Variants in GBP5 observed in about 807,000 individuals in gnomAD.
GBP5 encodes the protein guanylate binding protein 5, also known as guanylate-binding protein 5.
In GBP5, 48 loss-of-function variants were observed where a neutral mutation model predicts 58.2. The observed-to-expected ratio is 0.83, with a 90% CI of 0.65 to 1.05. GBP5 has a LOEUF of 1.05. Among genes scored for constraint, GBP5 ranks in the 50% least tolerant of loss-of-function variants. The pLI is 0.00. For synonymous variants in GBP5, 248 were observed against 251.8 expected (o/e 0.98, Z 0.14); for missense variants, 714 against 686.8 (o/e 1.04, Z -0.44).
chr1:89,263,958 G>C lies in GBP5; in HGVS notation c.1150-10C>G. 1 of 1,499,328 alleles carries C rather than the reference G, an allele frequency of 6.7e-7. No homozygotes were observed. Among genetic ancestry groups the C allele is most frequent in the Non-Finnish European group, 9.2e-7 (1 of 1,082,600 alleles). The allele number at this position is 1,499,328 out of a possible 1,614,324, so 92.9% of individuals were successfully genotyped here. On this transcript the variant is annotated splice_polypyrimidine_tract_variant and intron_variant, in intron 8 of 11. Coordinates refer to ENST00000370459, the MANE Select transcript of GBP5 (RefSeq NM_052942.5). ...TTGCATCTAGTAGAGTCTTCAAAGA[G>C]ACAAAAACCCATGGAAAAGATGTTA... is the stretch of plus-strand genomic sequence containing the variant.
rs1650097123 is a variant in GBP5 at position 89,263,720 on chromosome 1, G to A, written c.1362+16C>T. On this transcript the variant is annotated intron_variant, in intron 9 of 11. Transcript: ENST00000370459. ...GTCCCTCAGCAATTCTCCACAATAGGTAGAACTAGGGATACCTGTATTCCT... is the reference window on the plus strand; with the variant it reads ...GTCCCTCAGCAATTCTCCACAATAGATAGAACTAGGGATACCTGTATTCCT... The A allele has an allele frequency of 1.9e-6, 3 of 1,582,056 alleles. No individual in the cohort carries two copies. The highest frequency in any genetic ancestry group is 8.7e-7 in the Non-Finnish European group (1 of 1,151,766).
In GBP5 at chr1:89,266,378, G is replaced by A; in HGVS notation, c.836C>T (p.Thr279Ile). The change falls in exon 7 of 12, where the codon ACT becomes ATT. Residue 279 changes from threonine (T) to isoleucine (I), a missense_variant. Physicochemically the swap from Thr to Ile is moderately conservative, Grantham distance 89. Transcript: ENST00000370459. Reference sequence around the variant, plus strand: ...ATTGACCATGATGCCACCTGGAAGAGTCTTGGTCATAGAATGGCTAAAGAT... The same window carrying A: ...ATTGACCATGATGCCACCTGGAAGAATCTTGGTCATAGAATGGCTAAAGAT... ...SYIFSHSMTK[T>I]LPGGIMVNGS... is the part of the protein sequence containing the mutation. 1 of 1,613,290 alleles carries A rather than the reference G, an allele frequency of 6.2e-7. No homozygotes were observed. The highest frequency in any genetic ancestry group is 8.5e-7 in the Non-Finnish European group (1 of 1,179,204).
In GBP5 at chr1:89,259,033, C is replaced by G. The variant is rs1031574661; in HGVS notation, c.*1671G>C. On this transcript the variant is annotated 3_prime_UTR_variant, in exon 12 of 12. Coordinates refer to ENST00000370459, the MANE Select transcript of GBP5 (RefSeq NM_052942.5). ...ATAAGTTACATATTTTAAGAAAAAT[C>G]AGTCATTTTTCATATATAATTGCAA... is the stretch of plus-strand genomic sequence containing the variant. 6.6e-6 allele frequency: 1 copy of G among 152,058 alleles called. No homozygotes were observed. The highest frequency in any genetic ancestry group is 1.5e-5 in the Non-Finnish European group (1 of 67,990). The allele number at this position is 152,058 out of a possible 1,614,324, so 9.4% of individuals were successfully genotyped here.
chr1:89,268,754 G>C lies in GBP5; in HGVS notation c.293C>G (p.Thr98Ser). Residue 98 changes from threonine (T) to serine (S), a missense_variant, in exon 4 of 12, where the codon ACC (threonine) becomes AGC (serine). Transcript: ENST00000370459. ...WPNHTLVLLDTEGLGDVEKAD... is the reference protein window; with the variant it reads ...WPNHTLVLLDSEGLGDVEKAD... ...CTTCTCTACATCTCCCAGGCCCTCGGTGTCAAGCAGAACTAATGTGTGATT... is the reference window on the plus strand; with the variant it reads ...CTTCTCTACATCTCCCAGGCCCTCGCTGTCAAGCAGAACTAATGTGTGATT... 2 of 1,613,996 alleles carry C rather than the reference G, an allele frequency of 1.2e-6. No individual in the cohort carries two copies. The highest frequency in any genetic ancestry group is 1.7e-6 in the Non-Finnish European group (2 of 1,179,962).
At position 89,266,987 on chromosome 1, in the gene GBP5, A is replaced by G; in HGVS notation, c.595T>C (p.Tyr199His). The change falls in exon 6 of 12, where the codon TAC becomes CAC. Residue 199 changes from tyrosine (Y) to histidine (H), a missense_variant. Tyr to His is a moderately conservative substitution (Grantham distance 83, BLOSUM62 2). Coordinates refer to ENST00000370459, the MANE Select transcript of GBP5 (RefSeq NM_052942.5). ...IDGQLVTPDEYLENSLRPKQG... is the reference protein window; with the variant it reads ...IDGQLVTPDEHLENSLRPKQG... ...TTTGGCCTTAGGGAATTCTCCAGGT[A>G]TTCATCTGGTGTGACAAGTTGCCCA... 1.9e-6 allele frequency: 3 copies of G among 1,609,614 alleles called. No individual in the cohort carries two copies. The South Asian group carries it at 3.3e-5, about 18-fold the overall frequency.
chr1:89,262,887 G>C, intron 9 of GBP5, 102 bp from the exon 10 acceptor site: 1 of 719,240 alleles, frequency 1.4e-6, no homozygotes, highest in South Asian at 1.9e-5. Context: ...TTCCTCATAG[G>C]AGAGGCTTGC....
Position 89,269,538 on chromosome 1 carries a change from G to A in GBP5, c.18C>T (p.His6=), listed in dbSNP as rs375123546. The A allele has an allele frequency of 5.6e-6, 9 of 1,613,360 alleles. No homozygotes were observed. The highest frequency in any genetic ancestry group is 1.3e-5 in the African/African-American group (1 of 74,904). Residue 6 remains histidine, a synonymous_variant, in exon 3 of 12, where the codon CAC becomes CAT. Coordinates refer to ENST00000370459, the MANE Select transcript of GBP5 (RefSeq NM_052942.5). The part of the protein sequence containing the change: MALEI[H]MSDPMCLIEN... Reference sequence around the variant, plus strand: ...CGATGAGGCACATGGGGTCTGACATGTGGATCTCTAAAGCCATGTCTAGGA... The same window carrying A: ...CGATGAGGCACATGGGGTCTGACATATGGATCTCTAAAGCCATGTCTAGGA...
Position 89,263,966 on chromosome 1 carries a change from C to A in GBP5, c.1150-18G>T, listed in dbSNP as rs768272179. ...AGTAGAGTCTTCAAAGAGACAAAAACCCATGGAAAAGATGTTAGCAATACT... is the reference window on the plus strand; with the variant it reads ...AGTAGAGTCTTCAAAGAGACAAAAAACCATGGAAAAGATGTTAGCAATACT... On this transcript the variant is annotated intron_variant, in intron 8 of 11. Coordinates refer to ENST00000370459, the MANE Select transcript of GBP5 (RefSeq NM_052942.5). 3.8e-5 allele frequency: 55 copies of A among 1,457,404 alleles called. No homozygotes were observed. The highest frequency in any genetic ancestry group is 5.2e-5 in the Non-Finnish European group (54 of 1,043,130). 90.3% of individuals were successfully genotyped at this position (1,457,404 alleles called of 1,614,324 possible). A position where few individuals can be genotyped will look rare whatever the true frequency, so the allele number is the denominator to read the frequency against.
chr1:89,257,459 C>T lies in GBP5; in HGVS notation c.*3245G>A, dbSNP rs1649824260. On this transcript the variant is annotated 3_prime_UTR_variant, in exon 12 of 12. Coordinates refer to ENST00000370459, the MANE Select transcript of GBP5 (RefSeq NM_052942.5). Reference sequence around the variant, plus strand: ...GACACAGCCAAACCGTATCACTAAGCAAGATAAGAAAGTACCACAAGATGG... The same window carrying T: ...GACACAGCCAAACCGTATCACTAAGTAAGATAAGAAAGTACCACAAGATGG... 6.6e-6 allele frequency among the ~76,000 whole-genome samples: 1 copy of T among 152,118 alleles called. No individual in the cohort carries two copies. The highest frequency in any genetic ancestry group is 2.4e-5 in the African/African-American group (1 of 41,412).
At chr1:89,266,886 C>T in intron 6 of GBP5, 71 bp downstream of exon 6, 1 of 1,063,974 alleles carries the variant, frequency 9.4e-7, no homozygotes, top group Non-Finnish European at 1.4e-6. Flanking sequence ...TAAATTTAAC[C>T]ACCTAAACAA....
In GBP5 at chr1:89,269,316, C is replaced by A. The variant is rs1394241640; in HGVS notation, c.190+50G>T. ...CTTGCTTCCTCGTACTGGATGGTGA[C>A]TGTGTGAATGGACAGAAGGGTTTGG... On this transcript the variant is annotated intron_variant, in intron 3 of 11. Coordinates refer to ENST00000370459, the MANE Select transcript of GBP5 (RefSeq NM_052942.5). 5 of 1,559,686 alleles carry A rather than the reference C, an allele frequency of 3.2e-6. No homozygotes were observed. The Admixed American group carries it at 5.0e-5, about 16-fold the overall frequency.
In GBP5 at chr1:89,262,784, G is replaced by T. The variant is rs1255934364; in HGVS notation, c.1364C>A (p.Ala455Asp). The T allele has an allele frequency of 4.5e-6, 7 of 1,552,090 alleles. No individual in the cohort carries two copies. The highest frequency in any genetic ancestry group is 5.2e-6 in the Non-Finnish European group (6 of 1,153,130). The change falls in exon 10 of 12, where the codon GCT (alanine) becomes GAT (aspartate). Residue 455 changes from alanine to aspartate, a missense_variant and splice_region_variant. Coordinates refer to ENST00000370459, the MANE Select transcript of GBP5 (RefSeq NM_052942.5). ...TAAATATTTCTGCAGAACTTCTTCA[G>T]CCTAGCAACCCGGAAAACATGCAGT... Reference protein sequence around the residue: ...YYREPRKGIQAEEVLQKYLKS... With the variant: ...YYREPRKGIQDEEVLQKYLKS...
rs1038949312 is a variant in GBP5 at position 89,257,076 on chromosome 1, T to A, written c.*3628A>T. On this transcript the variant is annotated 3_prime_UTR_variant, in exon 12 of 12. Transcript: ENST00000370459. Reference sequence around the variant, plus strand: ...TAAATTTTAACACATTATTCAGTATTTCTATGTTTTCCTAAGTATATTAGT... The same window carrying A: ...TAAATTTTAACACATTATTCAGTATATCTATGTTTTCCTAAGTATATTAGT... Among the ~76,000 whole-genome samples the A allele has an allele frequency of 2.0e-5, 3 of 152,242 alleles. No homozygotes were observed. Among genetic ancestry groups the A allele is most frequent in the African/African-American group, 7.2e-5 (3 of 41,464 alleles).
intron 11 of GBP5, chr1:89,262,008 A>G: frequency 1.8e-6 from 1 of 567,872 alleles, no homozygotes; most frequent in South Asian, 2.4e-5. Context: ...CACTGTGTCC[A>G]TTTTACACAA....
chr1:89,262,966 A>T (rs1650070565), intron 9 of GBP5, 181 bp from the exon 10 acceptor site: 1 of 455,132 alleles, frequency 2.2e-6, no homozygotes, highest in Admixed American at 3.9e-5. Context: ...TGGAACTGCC[A>T]ATTGAGACTG....
intron 9 of GBP5, 79 bp downstream of exon 9, chr1:89,263,657 C>T (rs1348811260): frequency 2.2e-6 from 2 of 912,706 alleles, no homozygotes; most frequent in Non-Finnish European, 3.6e-6. Flanking sequence ...TGCCTGTATA[C>T]ATGGCAATTT....
Position 89,257,839 on chromosome 1 carries a change from T to C in GBP5, c.*2865A>G, listed in dbSNP as rs559695313. On this transcript the variant is annotated 3_prime_UTR_variant, in exon 12 of 12. Transcript: ENST00000370459. Reference sequence around the variant, plus strand: ...GTGGCTTAAAACAACAGAAGCTTATTATCTTACAGTTTTGGAAATCAGAAG... The same window carrying C: ...GTGGCTTAAAACAACAGAAGCTTATCATCTTACAGTTTTGGAAATCAGAAG... Among the ~76,000 whole-genome samples, 18 of 152,366 alleles carry C rather than the reference T, an allele frequency of 1.2e-4. No individual in the cohort carries two copies. The South Asian group carries it at 3.7e-3, about 32-fold the overall frequency.
rs771554115 is a variant in GBP5 at position 89,264,795 on chromosome 1, G to A, written c.1040C>T (p.Thr347Ile). Residue 347 changes from threonine to isoleucine, a missense_variant, in exon 8 of 12, where the codon ACC (threonine) becomes ATC (isoleucine). By Grantham distance (89) the Thr-to-Ile change is moderately conservative (BLOSUM62 -1). Coordinates refer to ENST00000370459, the MANE Select transcript of GBP5 (RefSeq NM_052942.5). ...GTGCAGGTCCAGCAGCTCCTGGAGGGTTTCCATGGGCAGCTGCACTTTCTG... is the reference window on the plus strand; with the variant it reads ...GTGCAGGTCCAGCAGCTCCTGGAGGATTTCCATGGGCAGCTGCACTTTCTG... ...MGQKVQLPME[T>I]LQELLDLHRT... 3 of 1,614,034 alleles carry A rather than the reference G, an allele frequency of 1.9e-6. No individual in the cohort carries two copies. The highest frequency in any genetic ancestry group is 2.5e-6 in the Non-Finnish European group (3 of 1,180,040).
At position 89,262,732 on chromosome 1, in the gene GBP5, T is replaced by C. The variant is rs181786126; in HGVS notation, c.1416A>G (p.Ala472=). The C allele has an allele frequency of 6.9e-6, 11 of 1,600,210 alleles. No individual in the cohort carries two copies. The Admixed American group carries it at 2.0e-4, about 29-fold the overall frequency. ...TGAGAGCCTGGTCAGTCTGTAATATTGCATGACTCACAGACTCCTTGGACT... is the reference window on the plus strand; with the variant it reads ...TGAGAGCCTGGTCAGTCTGTAATATCGCATGACTCACAGACTCCTTGGACT... ...YLKSKESVSH[A]ILQTDQALTE... The change falls in exon 10 of 12, where the codon GCA becomes GCG. Residue 472 remains alanine (A), a synonymous_variant. Coordinates refer to ENST00000370459, the MANE Select transcript of GBP5 (RefSeq NM_052942.5).
Sources: gnomAD v4.1 joint callset for allele counts (sites outside exome capture counted in the v4.1 genomes callset) on GRCh38, gnomAD v4.1.1 for gene constraint, MANE v1.5 for transcripts, NCBI Gene and HGNC (gene_info 2026-07-23, HGNC 2026-07-21) for gene names.